Variants in PIGK observed in about 807,000 individuals in gnomAD.
PIGK encodes GPI-anchor transamidase.
In PIGK, 42 loss-of-function variants were observed where a neutral mutation model predicts 50.6. The ratio of observed to expected loss-of-function variants is 0.83; its 90% confidence interval spans 0.65 to 1.07. The LOEUF (loss-of-function observed/expected upper bound fraction) is 1.07, where lower values mean the gene tolerates loss of function less well. Among genes scored for constraint, PIGK ranks in the 50% least tolerant of loss-of-function variants. The pLI is 0.00. For missense variants in PIGK, 448 were observed against 488.7 expected (o/e 0.92, Z 0.78); for synonymous variants, 151 against 156.0 (o/e 0.97, Z 0.24).
intron 9 of PIGK, among the ~76,000 whole-genome samples, chr1:77,125,028 A>C (rs1311306333): frequency 1.3e-5 from 2 of 152,232 alleles, no homozygotes; most frequent in Non-Finnish European, 2.9e-5. Flanking sequence ...TAAATCACTG[A>C]CATTAATTCT....
At chr1:77,129,247 C>T (rs1654303297) in intron 9 of PIGK, 1 of 1,609,056 alleles carries the variant, frequency 6.2e-7, no homozygotes, top group Non-Finnish European at 8.5e-7. Context: ...CAAAAAGCCA[C>T]GAAGTATCTG....
At chr1:77,198,161 ATTTATC>A (rs1425086077) in intron 3 of PIGK, among the ~76,000 whole-genome samples, 1 of 152,076 alleles carries the variant, frequency 6.6e-6, no homozygotes, top group African/African-American at 2.4e-5. Context: ...GCATATTGGC[ATTTATC>A]TTTATTTTCA....
intron 3 of PIGK, among the ~76,000 whole-genome samples, chr1:77,175,025 T>C (rs1392674379): frequency 6.6e-6 from 1 of 152,170 alleles, no homozygotes; most frequent in East Asian, 1.9e-4. Context: ...AATCAAATAT[T>C]TGAAAGAAGA....
At chr1:77,213,459 G>A (rs1656470527) in intron 1 of PIGK, among the ~76,000 whole-genome samples, 1 of 151,994 alleles carries the variant, frequency 6.6e-6, no homozygotes, top group Non-Finnish European at 1.5e-5. Context: ...ACACGCTCCT[G>A]AACAACCAAT....
intron 3 of PIGK, among the ~76,000 whole-genome samples, chr1:77,183,413 T>C (rs1300224262): frequency 6.6e-6 from 1 of 152,144 alleles, no homozygotes; most frequent in East Asian, 1.9e-4. Flanking sequence ...CTGAGGCAGT[T>C]GTTAGGCAAA....
intron 3 of PIGK, among the ~76,000 whole-genome samples, chr1:77,184,964 T>A (rs1368399585): frequency 1.3e-5 from 2 of 152,112 alleles, no homozygotes; most frequent in African/African-American, 4.8e-5. Context: ...CCTGTTCAAC[T>A]CTCCCACCTG....
chr1:77,171,368 C>T (rs1348699287), intron 3 of PIGK, among the ~76,000 whole-genome samples: 3 of 137,802 alleles, frequency 2.2e-5, no homozygotes, highest in South Asian at 2.4e-4. Flanking sequence ...ACCCAGGAGG[C>T]GGAGCTCGCA....
At chr1:77,162,995 A>G (rs1655162068) in intron 6 of PIGK, among the ~76,000 whole-genome samples, 1 of 152,174 alleles carries the variant, frequency 6.6e-6, no homozygotes, top group East Asian at 1.9e-4. Context: ...ACTCACTTGT[A>G]AAAAGGGAAT....
chr1:77,155,934 G>T (rs1440038685), intron 8 of PIGK, among the ~76,000 whole-genome samples: 1 of 152,092 alleles, frequency 6.6e-6, no homozygotes, highest in African/African-American at 2.4e-5. Flanking sequence ...TAACTCTGAG[G>T]TATACAAAAC....
At chr1:77,165,733 T>G (rs953723607) in intron 5 of PIGK, among the ~76,000 whole-genome samples, 14 of 152,058 alleles carry the variant, frequency 9.2e-5, no homozygotes, top group African/African-American at 2.4e-4. Flanking sequence ...AAAATTAACA[T>G]GGGCATGCAC....
At chr1:77,201,334 A>C (rs916265989) in intron 3 of PIGK, among the ~76,000 whole-genome samples, 1 of 152,242 alleles carries the variant, frequency 6.6e-6, no homozygotes, top group Non-Finnish European at 1.5e-5. Flanking sequence ...AAATGGTAAT[A>C]CATAAGGTCA....
intron 10 of PIGK, among the ~76,000 whole-genome samples, chr1:77,098,805 C>G (rs537355735): frequency 1.3e-5 from 2 of 152,028 alleles, no homozygotes; most frequent in African/African-American, 2.4e-5. Context: ...ATAAATGGAA[C>G]AGGGAAATAT....
At chr1:77,195,979 TC>T (rs948772734) in intron 3 of PIGK, among the ~76,000 whole-genome samples, 1 of 151,986 alleles carries the variant, frequency 6.6e-6, no homozygotes, top group African/African-American at 2.4e-5. Context: ...CCTTTGCCAT[TC>T]CCCCCAACTC....
intron 10 of PIGK, among the ~76,000 whole-genome samples, chr1:77,103,434 G>T (rs909333205): frequency 3.3e-5 from 5 of 152,164 alleles, no homozygotes; most frequent in African/African-American, 1.2e-4. Flanking sequence ...GGTAATCAGA[G>T]TTATGCTTCC....
intron 9 of PIGK, among the ~76,000 whole-genome samples, chr1:77,123,117 G>A (rs1044695992): frequency 6.6e-6 from 1 of 151,862 alleles, no homozygotes; most frequent in Non-Finnish European, 1.5e-5. Context: ...TCCATATCTA[G>A]GACAATATGA....
intron 3 of PIGK, among the ~76,000 whole-genome samples, chr1:77,200,520 G>C (rs974409013): frequency 1.3e-5 from 2 of 151,904 alleles, no homozygotes; most frequent in African/African-American, 4.8e-5. Flanking sequence ...ACTGTCATAA[G>C]AATAAAATGA....
chr1:77,142,338 G>GTGA lies in PIGK; in HGVS notation c.986+12108_986+12110dup, dbSNP rs1158972452. Among the ~76,000 whole-genome samples, 4 of 152,236 alleles carry GTGA rather than the reference G, an allele frequency of 2.6e-5. No homozygotes were observed. The East Asian group carries it at 7.7e-4, about 29-fold the overall frequency. ...ACTGGAGGAAGACATCAATATGACT[G>GTGA]TGATGAGTTTTAGATGGCACACTTT... On this transcript the variant is annotated intron_variant, in intron 9 of 10. Transcript: ENST00000370812.
intron 4 of PIGK, among the ~76,000 whole-genome samples, 159 bp downstream of exon 4, chr1:77,169,101 T>C (rs1401296532): frequency 6.6e-6 from 1 of 152,194 alleles, no homozygotes; most frequent in East Asian, 1.9e-4. Context: ...ATTTTACTTA[T>C]ATATCATTGC....
At chr1:77,202,454 G>A (rs1047801452) in intron 3 of PIGK, among the ~76,000 whole-genome samples, 1 of 152,158 alleles carries the variant, frequency 6.6e-6, no homozygotes, top group African/African-American at 2.4e-5. Context: ...CTGTAGGTGA[G>A]CGACCAGTGC....
Sources: allele counts gnomAD v4.1 joint callset (sites outside exome capture counted in the v4.1 genomes callset), GRCh38; gene constraint gnomAD v4.1.1; transcripts MANE v1.5; gene names NCBI Gene and HGNC (gene_info 2026-07-23, HGNC 2026-07-21).